Variants in GABRG3 observed in about 807,000 individuals in gnomAD.
GABRG3 encodes gamma-aminobutyric acid type A receptor subunit gamma3.
GABRG3 carries 25 observed loss-of-function variants against 48.8 expected under a neutral mutation model. That is an observed-to-expected ratio of 0.51 (90% CI 0.37 to 0.72). GABRG3 has a LOEUF of 0.72. GABRG3 is among the 30% of genes least tolerant of loss of function. GABRG3 has a pLI of 0.00. For missense variants in GABRG3, 394 were observed against 577.9 expected (o/e 0.68, Z 3.26); for synonymous variants, 227 against 217.6 (o/e 1.04, Z -0.38).
intron 2 of GABRG3, among the ~76,000 whole-genome samples, chr15:27,020,750 A>T (rs986822927): frequency 6.6e-6 from 1 of 151,958 alleles, no homozygotes; most frequent in African/African-American, 2.4e-5. Flanking sequence ...TTTTTGAATG[A>T]ATGTTCATGG....
intron 3 of GABRG3, among the ~76,000 whole-genome samples, chr15:27,277,758 A>G (rs1891302399): frequency 6.6e-6 from 1 of 152,220 alleles, no homozygotes; most frequent in African/African-American, 2.4e-5. Flanking sequence ...AACTGCAATT[A>G]AATCTGCTAC....
intron 3 of GABRG3, among the ~76,000 whole-genome samples, chr15:27,307,426 G>T (rs551935264): frequency 1.1e-4 from 8 of 75,290 alleles, no homozygotes; most frequent in South Asian, 3.2e-4. Flanking sequence ...TAAACATATA[G>T]GTTTATATAT....
At chr15:27,482,530 G>A (rs1376303824) in intron 6 of GABRG3, among the ~76,000 whole-genome samples, 1 of 152,180 alleles carries the variant, frequency 6.6e-6, no homozygotes, top group South Asian at 2.1e-4. Context: ...GCATTTTAAA[G>A]GATCCCTCTC....
At chr15:27,105,048 A>G (rs1213740509) in intron 3 of GABRG3, among the ~76,000 whole-genome samples, 1 of 152,222 alleles carries the variant, frequency 6.6e-6, no homozygotes, top group Non-Finnish European at 1.5e-5. Flanking sequence ...GCCCACTAAA[A>G]TTTAAATAAC....
intron 3 of GABRG3, among the ~76,000 whole-genome samples, chr15:27,092,046 T>G (rs1897194889): frequency 6.6e-6 from 1 of 152,178 alleles, no homozygotes; most frequent in South Asian, 2.1e-4. Context: ...ACCTGTTAAA[T>G]AAACTTTTCT....
At chr15:27,038,183 ACAAGTCTAAGACTGGGAAGTC>A (rs984090863) in intron 3 of GABRG3, among the ~76,000 whole-genome samples, 64 of 145,130 alleles carry the variant, frequency 4.4e-4, no homozygotes, top group African/African-American at 1.2e-3. Flanking sequence ...TTTATTGCAC[ACAAGTCTAAGACTGGGAAGTC>A]CAAGTCTAAG....
intron 3 of GABRG3, among the ~76,000 whole-genome samples, chr15:27,238,060 G>A (rs55786625): frequency 0.026 from 3,929 of 152,330 alleles, 86 homozygotes; most frequent in Non-Finnish European, 0.038. Context: ...AAGCTGAAGC[G>A]TTTAGTCGTT....
chr15:27,208,633 C>A, intron 3 of GABRG3: 1 of 155,696 alleles, frequency 6.4e-6, no homozygotes, highest in South Asian at 1.7e-4. Context: ...AAGGGCCTGT[C>A]ATGGCAGCAG....
chr15:27,146,474 CA>C (rs1185652601), intron 3 of GABRG3, among the ~76,000 whole-genome samples: 1 of 152,050 alleles, frequency 6.6e-6, no homozygotes, highest in Non-Finnish European at 1.5e-5. Flanking sequence ...ACAACAACAA[CA>C]ACAAAAACTA....
chr15:27,012,661 A>G (rs961397799), intron 2 of GABRG3, among the ~76,000 whole-genome samples: 3 of 152,174 alleles, frequency 2.0e-5, no homozygotes, highest in African/African-American at 4.8e-5. Flanking sequence ...TCTTTCCCAC[A>G]CCATAGTCAA....
chr15:26,979,856 A>G (rs1397504463), intron 2 of GABRG3, among the ~76,000 whole-genome samples: 1 of 152,228 alleles, frequency 6.6e-6, no homozygotes, highest in Non-Finnish European at 1.5e-5. Context: ...TGAGCTTTAT[A>G]CAATGGGTTG....
chr15:27,206,398 T>C (rs1888852467), intron 3 of GABRG3, among the ~76,000 whole-genome samples: 1 of 152,212 alleles, frequency 6.6e-6, no homozygotes, highest in Non-Finnish European at 1.5e-5. Context: ...CTATTTTTAT[T>C]GTGCTGTGGT....
At chr15:27,474,589 A>G (rs960782191) in intron 5 of GABRG3, among the ~76,000 whole-genome samples, 1 of 152,146 alleles carries the variant, frequency 6.6e-6, no homozygotes, top group Non-Finnish European at 1.5e-5. Context: ...CTCTGATCAA[A>G]TGCATTCACG....
chr15:26,975,603 A>G lies in GABRG3; in HGVS notation c.54-1399A>G, dbSNP rs1181050283. ...TCATGTATATATTACATAAATATGC[A>G]TGTGCATATATATGAAGACCTAAAT... On this transcript the variant is annotated intron_variant, in intron 1 of 9. Transcript: ENST00000615808. The surrounding 1 kb of genome is among the most constrained non-coding windows in gnomAD (Gnocchi z 4.6). Among the ~76,000 whole-genome samples, 1 of 152,230 alleles carries G rather than the reference A, an allele frequency of 6.6e-6. No individual in the cohort carries two copies. Among genetic ancestry groups the G allele is most frequent in the African/African-American group, 2.4e-5 (1 of 41,464 alleles).
At chr15:27,162,849 T>C (rs1391433763) in intron 3 of GABRG3, among the ~76,000 whole-genome samples, 1 of 152,130 alleles carries the variant, frequency 6.6e-6, no homozygotes, top group African/African-American at 2.4e-5. Flanking sequence ...ACATCATTGT[T>C]TTCAGAATTC....
chr15:27,475,839 TTGA>T (rs963055112), intron 5 of GABRG3, among the ~76,000 whole-genome samples: 1 of 151,264 alleles, frequency 6.6e-6, no homozygotes. Context: ...GATGATGGTA[TTGA>T]TGATTGTGAT....
At chr15:27,105,043 C>T (rs897193500) in intron 3 of GABRG3, among the ~76,000 whole-genome samples, 1 of 151,790 alleles carries the variant, frequency 6.6e-6, no homozygotes, top group Non-Finnish European at 1.5e-5. Context: ...AAGAAGCCCA[C>T]TAAAATTTAA....
chr15:27,087,395 A>C (rs756920647), intron 3 of GABRG3, among the ~76,000 whole-genome samples: 13 of 152,176 alleles, frequency 8.5e-5, no homozygotes, highest in African/African-American at 1.2e-4. Flanking sequence ...TTGACAGCCT[A>C]CTTGTGTCAG....
intron 2 of GABRG3, among the ~76,000 whole-genome samples, chr15:27,017,285 T>G (rs932113641): frequency 6.6e-6 from 1 of 152,126 alleles, no homozygotes; most frequent in Non-Finnish European, 1.5e-5. Context: ...ACAAAAGTAA[T>G]TTCGAAGAAC....
Sources: gnomAD v4.1 joint callset for allele counts (sites outside exome capture counted in the v4.1 genomes callset) on GRCh38, gnomAD v4.1.1 for gene constraint, Gnocchi (gnomAD v3.1) non-coding constraint, MANE v1.5 for transcripts, NCBI Gene and HGNC (gene_info 2026-07-23, HGNC 2026-07-21) for gene names.